Variants in TMEM272 observed in about 807,000 individuals in gnomAD.
TMEM272 encodes transmembrane protein 272, also known as long intergenic non-protein coding RNA 282.
In TMEM272, 8 loss-of-function variants were observed where a neutral mutation model predicts 3.7. That is an observed-to-expected ratio of 2.17 (90% CI 1.27 to 3.91). The LOEUF is 3.91. TMEM272 is among the 30% of genes most tolerant of loss of function. The probability of loss-of-function intolerance (pLI) is 0.00; values close to 1 mark genes in which losing one functional copy is unlikely to be tolerated. For synonymous variants in TMEM272, 63 were observed against 39.8 expected (o/e 1.58, Z -2.20); for missense variants, 166 against 91.5 (o/e 1.81, Z -3.32).
the TMEM272 span, among the ~76,000 whole-genome samples, chr13:51,866,668 G>A: frequency 5.9e-5 from 9 of 152,330 alleles, no homozygotes; most frequent in Middle Eastern, 0.014. Context: ...TCCACCAAAC[G>A]TCTCAGCTGC....
At chr13:51,837,701 T>C (rs540977742) in intron 2 of TMEM272, among the ~76,000 whole-genome samples, 1 of 152,302 alleles carries the variant, frequency 6.6e-6, no homozygotes, top group East Asian at 1.9e-4. Flanking sequence ...GGAAACGTCA[T>C]GGGAGGAGAA....
At chr13:51,833,235 G>A (rs1956187699) in intron 2 of TMEM272, among the ~76,000 whole-genome samples, 1 of 152,152 alleles carries the variant, frequency 6.6e-6, no homozygotes, top group South Asian at 2.1e-4. Context: ...TCATAACAGA[G>A]AAAAGGAGAT....
chr13:51,822,814 C>G (rs2139556014), intron 3 of TMEM272, among the ~76,000 whole-genome samples: 1 of 152,354 alleles, frequency 6.6e-6, no homozygotes, highest in Non-Finnish European at 1.5e-5. Flanking sequence ...GTTTTTCTCC[C>G]CAAAGCAATG....
Position 51,814,438 on chromosome 13 carries a change from A to G in TMEM272, c.*2313T>C, listed in dbSNP as rs776337669. The G allele has an allele frequency of 1.3e-5, 2 of 152,222 alleles. No individual in the cohort carries two copies. The highest frequency in any genetic ancestry group is 2.9e-5 in the Non-Finnish European group (2 of 68,046). The allele number at this position is 152,222 out of a possible 1,614,324, so 9.4% of individuals were successfully genotyped here. ...CACATGAACATTTTCTTTAGGATCT[A>G]ACCTGTTTCCCCAGAAGGGGGTAAT... is the stretch of plus-strand genomic sequence containing the variant. On this transcript the variant is annotated 3_prime_UTR_variant, in exon 5 of 5. Coordinates refer to ENST00000629372, the MANE Select transcript of TMEM272 (RefSeq NM_001351003.2).
Position 51,815,173 on chromosome 13 carries a change from T to C in TMEM272, c.*1578A>G, listed in dbSNP as rs945549609. On this transcript the variant is annotated 3_prime_UTR_variant, in exon 5 of 5. Coordinates refer to ENST00000629372, the MANE Select transcript of TMEM272 (RefSeq NM_001351003.2). The stretch of plus-strand genomic sequence containing the variant: ...ACAGTGAGGATGGAATTGGGCATCA[T>C]AGGTGAGGTAGGATCTGCAAACTGC... The C allele has an allele frequency of 5.9e-5, 9 of 152,860 alleles. No individual in the cohort carries two copies. The highest frequency in any genetic ancestry group is 2.2e-4 in the African/African-American group (9 of 41,438). 9.5% of individuals were successfully genotyped at this position (152,860 alleles called of 1,614,324 possible).
chr13:51,861,816 A>T, the TMEM272 span, among the ~76,000 whole-genome samples: 5 of 152,202 alleles, frequency 3.3e-5, no homozygotes, highest in Non-Finnish European at 5.9e-5. Flanking sequence ...TCAAACTATC[A>T]AAAGCCAAAG....
the TMEM272 span, among the ~76,000 whole-genome samples, chr13:51,868,796 A>C: frequency 6.6e-6 from 1 of 152,242 alleles, no homozygotes; most frequent in Non-Finnish European, 1.5e-5. Flanking sequence ...TCCAGACTCG[A>C]AATGAATCAT....
At chr13:51,889,742 A>G in the TMEM272 span, among the ~76,000 whole-genome samples, 1 of 152,124 alleles carries the variant, frequency 6.6e-6, no homozygotes, top group Non-Finnish European at 1.5e-5. Flanking sequence ...CCTGGGTTCA[A>G]GTGATTCTCC....
the TMEM272 span, among the ~76,000 whole-genome samples, chr13:51,861,524 A>G: frequency 1.3e-5 from 2 of 152,206 alleles, no homozygotes; most frequent in African/African-American, 2.4e-5. Context: ...ATGAACTTGT[A>G]AACAGGTTAA....
chr13:51,916,951 C>T, the TMEM272 span, among the ~76,000 whole-genome samples: 1 of 152,208 alleles, frequency 6.6e-6, no homozygotes, highest in Non-Finnish European at 1.5e-5. Flanking sequence ...CTGAGGTGAT[C>T]CAAACTCAGG....
rs1320192376 is a variant in TMEM272, at chr13:51,822,155, A to T, written c.119-18T>A. The T allele has an allele frequency of 5.8e-6, 4 of 687,970 alleles. No individual in the cohort carries two copies. The highest frequency in any genetic ancestry group is 1.1e-5 in the Non-Finnish European group (4 of 379,672). The allele number at this position is 687,970 out of a possible 1,614,324, so 42.6% of individuals were successfully genotyped here. A position where few individuals can be genotyped will look rare whatever the true frequency, so the allele number is the denominator to read the frequency against. ...TTTCATTCCTACATAGGGCAAACAG[A>T]AGAGGATTGAGAGAAATACATTCGA... On this transcript the variant is annotated intron_variant, in intron 3 of 4. Transcript: ENST00000629372.
chr13:51,818,421 G>T (rs770200723), intron 4 of TMEM272, among the ~76,000 whole-genome samples: 1 of 152,198 alleles, frequency 6.6e-6, no homozygotes, highest in East Asian at 1.9e-4. Context: ...TGGCCCACAG[G>T]GGGCAGAGTC....
chr13:51,901,781 C>T, the TMEM272 span, among the ~76,000 whole-genome samples: 291 of 152,282 alleles, frequency 1.9e-3, 2 homozygotes, highest in African/African-American at 6.6e-3. Context: ...CCCACAAACA[C>T]GTAGCCTCCT....
At chr13:51,871,906 G>T in the TMEM272 span, among the ~76,000 whole-genome samples, 17 of 150,606 alleles carry the variant, frequency 1.1e-4, no homozygotes, top group Non-Finnish European at 2.2e-4. Flanking sequence ...AATGCTGGCA[G>T]CCAAACTTGT....
chr13:51,830,385 A>G (rs1351324846), intron 2 of TMEM272, among the ~76,000 whole-genome samples: 1 of 152,220 alleles, frequency 6.6e-6, no homozygotes, highest in Non-Finnish European at 1.5e-5. Flanking sequence ...GCAGCCATGC[A>G]ACCAAGCCAC....
chr13:51,893,057 C>T, the TMEM272 span, among the ~76,000 whole-genome samples: 1 of 152,154 alleles, frequency 6.6e-6, no homozygotes, highest in African/African-American at 2.4e-5. Context: ...ATCCTTCATG[C>T]TCCTTGAGTT....
chr13:51,841,612 A>C (rs1416668281), intron 1 of TMEM272, among the ~76,000 whole-genome samples: 1 of 152,256 alleles, frequency 6.6e-6, no homozygotes, highest in Non-Finnish European at 1.5e-5. Context: ...ACATTTTTTA[A>C]TGCAAATGTC....
chr13:51,875,322 AT>A, the TMEM272 span, among the ~76,000 whole-genome samples: 7 of 149,740 alleles, frequency 4.7e-5, no homozygotes, highest in African/African-American at 1.2e-4. Context: ...TCCAGAACTC[AT>A]TTTTTTTTTC....
At position 51,817,073 on chromosome 13, in the gene TMEM272, A is replaced by G. The variant is rs1201287878; in HGVS notation, c.242T>C (p.Leu81Pro). 1.3e-5 allele frequency: 9 copies of G among 702,828 alleles called. No homozygotes were observed. In the South Asian group the frequency reaches 1.3e-4, roughly 10 times the overall value. The allele number at this position is 702,828 out of a possible 1,614,324, so 43.5% of individuals were successfully genotyped here. The change falls in exon 5 of 5, where the codon CTG becomes CCG. Residue 81 changes from leucine to proline, a missense_variant. By Grantham distance (98) the Leu-to-Pro change is moderately conservative. Coordinates refer to ENST00000629372, the MANE Select transcript of TMEM272 (RefSeq NM_001351003.2). ...ATCAATCACCACGGCCTTGGACAGC[A>G]GCCGCCTCATCCTGGTGGAGTCGTA... ...LLYDSTRMRR[L>P]LSKAVVIDDD...
Sources: allele counts gnomAD v4.1 joint callset (sites outside exome capture counted in the v4.1 genomes callset), GRCh38; gene constraint gnomAD v4.1.1; transcripts MANE v1.5; gene names NCBI Gene and HGNC (gene_info 2026-07-23, HGNC 2026-07-21).